Variants in SH3GL2 observed in about 807,000 individuals in gnomAD.
SH3GL2 encodes the protein endophilin-A1.
Under a neutral mutation model 46.0 loss-of-function variants are expected in SH3GL2, and 24 were observed. The ratio of observed to expected loss-of-function variants is 0.52; its 90% CI spans 0.38 to 0.73. SH3GL2 has a LOEUF of 0.73. Among genes scored for constraint, SH3GL2 ranks in the 30% least tolerant of loss-of-function variants. The pLI is 0.00. For missense variants in SH3GL2, 413 were observed against 424.2 expected, an observed-to-expected ratio of 0.97 and a Z score of 0.23; for synonymous variants, 196 against 147.1, an observed-to-expected ratio of 1.33 and a Z score of -2.40.
chr9:17,767,653 T>C (rs9406702), intron 3 of SH3GL2, among the ~76,000 whole-genome samples: 15,499 of 152,268 alleles, frequency 0.1, 871 homozygotes, highest in Non-Finnish European at 0.11. Context: ...AATAGGTGTA[T>C]GAATGAATAT....
chr9:17,584,006 C>T (rs902331837), intron 1 of SH3GL2, among the ~76,000 whole-genome samples: 9 of 152,118 alleles, frequency 5.9e-5, no homozygotes, highest in South Asian at 2.1e-4. Flanking sequence ...TTGGCTGTGG[C>T]TTGTTGCTTG....
intron 1 of SH3GL2, among the ~76,000 whole-genome samples, chr9:17,617,190 G>T (rs889988710): frequency 2.6e-5 from 4 of 152,154 alleles, no homozygotes; most frequent in Non-Finnish European, 5.9e-5. Flanking sequence ...ATTATGCCAT[G>T]ATGTATTTAA....
At chr9:17,752,457 A>G (rs1222481439) in intron 2 of SH3GL2, among the ~76,000 whole-genome samples, 1 of 152,038 alleles carries the variant, frequency 6.6e-6, no homozygotes, top group Non-Finnish European at 1.5e-5. Flanking sequence ...CCCATTTTCA[A>G]GTGGGTGTGT....
At chr9:17,598,346 C>T (rs1215706519) in intron 1 of SH3GL2, among the ~76,000 whole-genome samples, 1 of 152,188 alleles carries the variant, frequency 6.6e-6, no homozygotes, top group Non-Finnish European at 1.5e-5. Context: ...TGGAACATCT[C>T]CAGCTGGAAT....
chr9:17,601,910 A>T (rs1818679717), intron 1 of SH3GL2, among the ~76,000 whole-genome samples: 1 of 152,178 alleles, frequency 6.6e-6, no homozygotes, highest in Non-Finnish European at 1.5e-5. Flanking sequence ...GGTAGTATGA[A>T]AGAGAAATGG....
chr9:17,700,062 T>TTGC (rs201724373), intron 1 of SH3GL2, among the ~76,000 whole-genome samples: 7 of 152,024 alleles, frequency 4.6e-5, no homozygotes, highest in East Asian at 1.9e-4. Flanking sequence ...AAGAAGAAAA[T>TTGC]AGTTCTGGCT....
At chr9:17,782,727 G>C (rs573031361) in intron 3 of SH3GL2, among the ~76,000 whole-genome samples, 5 of 151,930 alleles carry the variant, frequency 3.3e-5, no homozygotes, top group African/African-American at 7.2e-5. Context: ...TTTACCTAAG[G>C]GTTTGAAAAA....
intron 3 of SH3GL2, among the ~76,000 whole-genome samples, chr9:17,767,480 A>G (rs1453790794): frequency 6.6e-6 from 1 of 152,212 alleles, no homozygotes; most frequent in African/African-American, 2.4e-5. Context: ...CTGAAAATGA[A>G]TACATGTATT....
In SH3GL2 at chr9:17,786,314, C is replaced by T. The variant is rs1173799239; in HGVS notation, c.188-67C>T. Reference sequence around the variant, plus strand: ...GTAGGCTGCTCTGAGACCTGATCCTCCATCCAGCCCTATTTCCGCAGTGTC... The same window carrying T: ...GTAGGCTGCTCTGAGACCTGATCCTTCATCCAGCCCTATTTCCGCAGTGTC... On this transcript the variant is annotated intron_variant, in intron 3 of 8. Transcript: ENST00000380607. The T allele has an allele frequency of 8.2e-6, 12 of 1,472,360 alleles. No homozygotes were observed. The East Asian group carries it at 2.7e-4, about 34-fold the overall frequency. The allele number at this position is 1,472,360 out of a possible 1,614,324, so 91.2% of individuals were successfully genotyped here. A position where few individuals can be genotyped will look rare whatever the true frequency, so the allele number is the denominator to read the frequency against.
chr9:17,585,213 C>T (rs922618545), intron 1 of SH3GL2, among the ~76,000 whole-genome samples: 4 of 152,118 alleles, frequency 2.6e-5, no homozygotes. Flanking sequence ...GAGAGAAGGG[C>T]AGGACACACT....
intron 1 of SH3GL2, among the ~76,000 whole-genome samples, chr9:17,689,481 A>G (rs564977974): frequency 6.6e-6 from 1 of 152,178 alleles, no homozygotes; most frequent in Non-Finnish European, 1.5e-5. Context: ...ATAAGAGGGG[A>G]CATACACATT....
intron 1 of SH3GL2, among the ~76,000 whole-genome samples, chr9:17,726,649 A>G (rs1400993161): frequency 6.6e-6 from 1 of 152,212 alleles, no homozygotes; most frequent in Non-Finnish European, 1.5e-5. Flanking sequence ...AACAAAAAAT[A>G]GATGTGTGAT....
At chr9:17,628,334 T>C (rs1478236930) in intron 1 of SH3GL2, among the ~76,000 whole-genome samples, 1 of 152,082 alleles carries the variant, frequency 6.6e-6, no homozygotes, top group Non-Finnish European at 1.5e-5. Flanking sequence ...GTAGGAACAT[T>C]AATCTATTTC....
At position 17,581,839 on chromosome 9, in the gene SH3GL2, T is replaced by C. The variant is rs191602846; in HGVS notation, c.45+2552T>C. The stretch of plus-strand genomic sequence containing the variant: ...TCAGCCTCCTGAGTAGCTGGGATTA[T>C]AGGCATGCACTACCACGCTCAGCTA... On this transcript the variant is annotated intron_variant, in intron 1 of 8. Transcript: ENST00000380607. Among the ~76,000 whole-genome samples, 253 of 152,224 alleles carry C rather than the reference T, an allele frequency of 1.7e-3. 3 individuals are homozygous for C. Among genetic ancestry groups the C allele is most frequent in the Non-Finnish European group, 4.7e-4 (32 of 67,990 alleles).
chr9:17,670,294 C>G (rs899804696), intron 1 of SH3GL2, among the ~76,000 whole-genome samples: 6 of 152,160 alleles, frequency 3.9e-5, no homozygotes, highest in Non-Finnish European at 5.9e-5. Flanking sequence ...ATCTTCCAGG[C>G]TACTCTTTGT....
At chr9:17,744,526 C>T (rs979966940) in intron 1 of SH3GL2, among the ~76,000 whole-genome samples, 4 of 151,986 alleles carry the variant, frequency 2.6e-5, no homozygotes, top group African/African-American at 7.2e-5. Context: ...CTACCATGTT[C>T]AACTAATTTA....
intron 1 of SH3GL2, among the ~76,000 whole-genome samples, chr9:17,629,476 T>A (rs1398811742): frequency 1.3e-5 from 2 of 152,200 alleles, no homozygotes; most frequent in African/African-American, 2.4e-5. Flanking sequence ...GCTAACATAC[T>A]GCCTTTCATT....
intron 1 of SH3GL2, among the ~76,000 whole-genome samples, chr9:17,703,768 A>C (rs1588256748): frequency 6.6e-6 from 1 of 152,244 alleles, no homozygotes; most frequent in South Asian, 2.1e-4. Flanking sequence ...TCATGTTAAA[A>C]ACCCTTGACA....
At chr9:17,601,871 G>A (rs1163046792) in intron 1 of SH3GL2, among the ~76,000 whole-genome samples, 1 of 152,148 alleles carries the variant, frequency 6.6e-6, no homozygotes, top group Admixed American at 6.5e-5. Flanking sequence ...GTTTGATGCT[G>A]CCAAATAGGT....
Sources: allele counts gnomAD v4.1 joint callset (sites outside exome capture counted in the v4.1 genomes callset), GRCh38; gene constraint gnomAD v4.1.1; transcripts MANE v1.5; gene names NCBI Gene and HGNC (gene_info 2026-07-23, HGNC 2026-07-21).